The following STAG2 variants were observed in gnomAD, a reference collection of about 807,000 sequenced individuals.
STAG2 encodes the protein cohesin subunit SA-2.
A neutral mutation model predicts 108.1 loss-of-function variants in STAG2; 14 were observed. That is an observed-to-expected ratio of 0.13 (90% CI 0.09 to 0.20). The LOEUF is 0.20. Among genes scored for constraint, STAG2 ranks in the 10% least tolerant of loss-of-function variants. The pLI is 1.00. For synonymous variants in STAG2, 307 were observed against 302.7 expected, an observed-to-expected ratio of 1.01 and a Z score of -0.15; for missense variants, 440 against 940.9, an observed-to-expected ratio of 0.47 and a Z score of 6.96.
chrX:124,097,035 T>C (rs931542415), intron 34 of STAG2, among the ~76,000 whole-genome samples: 2 of 109,778 alleles, frequency 1.8e-5, no homozygotes, highest in Non-Finnish European at 3.8e-5. Flanking sequence ...AAAAATTAGC[T>C]GGGCATGAAG....
intron 3 of STAG2, among the ~76,000 whole-genome samples, chrX:124,025,090 T>G (rs1166581444): frequency 9.0e-6 from 1 of 111,468 alleles, no homozygotes; most frequent in Non-Finnish European, 1.9e-5. Context: ...GGACAGTTGT[T>G]TAGGACTATA....
At chrX:123,979,346 G>A (rs1440199264) in intron 1 of STAG2, among the ~76,000 whole-genome samples, 1 of 111,360 alleles carries the variant, frequency 9.0e-6, no homozygotes, top group East Asian at 2.8e-4. Context: ...AGAATGTTAA[G>A]TGAGAGGAAG....
rs1015842197 is a variant in STAG2 at position 123,994,846 on chromosome X, A to G, written c.-162-26521A>G. Among the ~76,000 whole-genome samples, 5 of 112,191 alleles carry G rather than the reference A, an allele frequency of 4.5e-5. No homozygotes were observed. In the Admixed American group the frequency reaches 4.7e-4, roughly 11 times the overall value. On this transcript the variant is annotated intron_variant, in intron 1 of 34. Coordinates refer to ENST00000371145, the MANE Select transcript of STAG2 (RefSeq NM_001042750.2). The stretch of plus-strand genomic sequence containing the variant: ...TGACCTTGGGAAAAGCTTTTAACTT[A>G]AAAACAAATTCAGCGTTGATTAGTA...
intron 1 of STAG2, among the ~76,000 whole-genome samples, chrX:124,015,247 A>G (rs1460042255): frequency 9.2e-6 from 1 of 108,718 alleles, no homozygotes; most frequent in African/African-American, 3.3e-5. Context: ...CGGCCTCCCA[A>G]AGTGCTGGGA....
At chrX:124,096,807 C>T (rs1213092023) in intron 34 of STAG2, among the ~76,000 whole-genome samples, 3 of 112,113 alleles carry the variant, frequency 2.7e-5, no homozygotes, top group African/African-American at 9.7e-5. Flanking sequence ...CCACCTTGCC[C>T]TCTCCTACCT....
chrX:124,017,614 G>A (rs947680027), intron 1 of STAG2, among the ~76,000 whole-genome samples: 3 of 111,591 alleles, frequency 2.7e-5, no homozygotes, highest in Non-Finnish European at 3.8e-5. Context: ...TATTTTGTTG[G>A]GGGGTACTTT....
At chrX:124,087,106 A>ACTCAGTAT (rs1364344281) in intron 30 of STAG2, among the ~76,000 whole-genome samples, 1 of 112,108 alleles carries the variant, frequency 8.9e-6, no homozygotes, top group Non-Finnish European at 1.9e-5. Context: ...AGGGAAATGG[A>ACTCAGTAT]CTCAGTATTA....
intron 1 of STAG2, among the ~76,000 whole-genome samples, chrX:123,996,634 T>TG (rs1198019816): frequency 1.8e-5 from 2 of 112,029 alleles, no homozygotes; most frequent in African/African-American, 6.5e-5. Flanking sequence ...GTCATATACA[T>TG]GGAGTCATAT....
At chrX:124,056,550 G>A (rs919384504) in intron 14 of STAG2, among the ~76,000 whole-genome samples, 1 of 107,570 alleles carries the variant, frequency 9.3e-6, no homozygotes, top group Non-Finnish European at 1.9e-5. Flanking sequence ...TGGCTAACAC[G>A]GTGAAACCCC....
intron 1 of STAG2, among the ~76,000 whole-genome samples, chrX:123,993,649 G>A (rs1411611466): frequency 9.0e-6 from 1 of 110,944 alleles, no homozygotes; most frequent in Non-Finnish European, 1.9e-5. Flanking sequence ...CTAAAACTGG[G>A]TAATCCTATA....
intron 23 of STAG2, among the ~76,000 whole-genome samples, 196 bp downstream of exon 23, chrX:124,066,632 ATTG>A (rs200841330): frequency 0.34 from 37,413 of 110,275 alleles, 4,756 homozygotes; most frequent in South Asian, 0.6. Context: ...TTAATTAAAA[ATTG>A]TTGTTCACAT....
chrX:123,972,505 T>A (rs1218962307), intron 1 of STAG2, among the ~76,000 whole-genome samples: 1 of 108,785 alleles, frequency 9.2e-6, no homozygotes. Flanking sequence ...TCTCCTGACC[T>A]CGTGATCCGC....
chrX:124,076,020 T>C (rs960596526), intron 25 of STAG2, among the ~76,000 whole-genome samples: 8 of 111,148 alleles, frequency 7.2e-5, no homozygotes, highest in African/African-American at 2.6e-4. Context: ...TAACAGACTT[T>C]GAGTGTGCAG....
At chrX:124,031,576 G>GT (rs1412357284) in intron 5 of STAG2, among the ~76,000 whole-genome samples, 6 of 92,964 alleles carry the variant, frequency 6.5e-5, no homozygotes, top group African/African-American at 1.5e-4. Flanking sequence ...TTGTTTTTTT[G>GT]TTTTTTTTGG....
At chrX:123,979,312 A>G (rs1290084041) in intron 1 of STAG2, among the ~76,000 whole-genome samples, 1 of 111,010 alleles carries the variant, frequency 9.0e-6, no homozygotes, top group Non-Finnish European at 1.9e-5. Context: ...ATACATTTAC[A>G]TGAGTTGTCT....
intron 1 of STAG2, among the ~76,000 whole-genome samples, chrX:123,974,873 G>A (rs779195602): frequency 4.9e-4 from 54 of 111,337 alleles, no homozygotes; most frequent in Non-Finnish European, 9.6e-4. Flanking sequence ...CACCACACCC[G>A]GCCTAGTATT....
At chrX:123,987,218 C>G (rs755424553) in intron 1 of STAG2, among the ~76,000 whole-genome samples, 2 of 109,884 alleles carry the variant, frequency 1.8e-5, no homozygotes, top group South Asian at 7.9e-4. Flanking sequence ...TCTCGAACTC[C>G]TGACCTCGTG....
intron 1 of STAG2, among the ~76,000 whole-genome samples, chrX:123,967,762 T>G (rs2054173488): frequency 1.8e-5 from 2 of 111,400 alleles, no homozygotes; most frequent in African/African-American, 3.3e-5. Flanking sequence ...AGCATGTTGC[T>G]GTACTGAATA....
intron 5 of STAG2, among the ~76,000 whole-genome samples, chrX:124,032,940 TAAATA>T (rs1159993706): frequency 3.6e-5 from 4 of 112,531 alleles, no homozygotes; most frequent in African/African-American, 1.3e-4. Context: ...TGTGGTTTTA[TAAATA>T]AAATGTGTCA....
Sources: gnomAD v4.1 joint callset for allele counts (sites outside exome capture counted in the v4.1 genomes callset) on GRCh38, gnomAD v4.1.1 for gene constraint, MANE v1.5 for transcripts, NCBI Gene and HGNC (gene_info 2026-07-23, HGNC 2026-07-21) for gene names.